The following SAMD3 variants were observed in gnomAD, a reference collection of about 807,000 sequenced individuals.
The protein encoded by SAMD3 is sterile alpha motif domain containing 3.
In SAMD3, 63 loss-of-function variants were observed where a neutral mutation model predicts 58.5. That is an observed-to-expected ratio of 1.08 (90% confidence interval 0.88 to 1.33). The LOEUF is 1.33. Ranked by LOEUF, SAMD3 falls within the 40% of genes most tolerant of loss-of-function variation. The pLI is 0.00. For missense variants in SAMD3, 604 were observed against 608.4 expected (o/e 0.99, Z 0.08); for synonymous variants, 220 against 210.3 (o/e 1.05, Z -0.40).
At chr6:130,355,307 T>A (rs1777793370) in intron 1 of SAMD3, among the ~76,000 whole-genome samples, 1 of 152,056 alleles carries the variant, frequency 6.6e-6, no homozygotes. Flanking sequence ...ACCTGTAATA[T>A]CAGCTACTCA....
intron 7 of SAMD3, among the ~76,000 whole-genome samples, chr6:130,178,721 G>C (rs1791978376): frequency 6.6e-6 from 1 of 152,236 alleles, no homozygotes; most frequent in Non-Finnish European, 1.5e-5. Context: ...GGAACAATAA[G>C]ATCTGTCCTA....
At chr6:130,208,273 A>C (rs971943971) in intron 5 of SAMD3, among the ~76,000 whole-genome samples, 2 of 152,184 alleles carry the variant, frequency 1.3e-5, no homozygotes, top group African/African-American at 4.8e-5. Flanking sequence ...CGTTTAAGGC[A>C]TTGCATTTGC....
chr6:130,290,558 AC>A (rs1269032681), intron 2 of SAMD3, among the ~76,000 whole-genome samples: 5 of 152,188 alleles, frequency 3.3e-5, no homozygotes, highest in Non-Finnish European at 5.9e-5. Context: ...CCTAGTTGAC[AC>A]GTAAAATTAA....
chr6:130,176,369 G>A (rs1791728132), intron 7 of SAMD3, among the ~76,000 whole-genome samples: 1 of 152,152 alleles, frequency 6.6e-6, no homozygotes, highest in South Asian at 2.1e-4. Flanking sequence ...CATTTTTCTA[G>A]TGGGTTCTAG....
intron 8 of SAMD3, among the ~76,000 whole-genome samples, chr6:130,165,977 A>AG (rs1305713505): frequency 6.6e-6 from 1 of 152,108 alleles, no homozygotes; most frequent in Non-Finnish European, 1.5e-5. Context: ...CCTTCATCCC[A>AG]GGGTCAGGAC....
At chr6:130,231,101 A>G (rs532446759) in intron 2 of SAMD3, among the ~76,000 whole-genome samples, 1 of 152,224 alleles carries the variant, frequency 6.6e-6, no homozygotes, top group African/African-American at 2.4e-5. Flanking sequence ...AAATAACATT[A>G]TCATGATAGA....
At chr6:130,325,769 T>C (rs769535980) in intron 1 of SAMD3, among the ~76,000 whole-genome samples, 2 of 152,210 alleles carry the variant, frequency 1.3e-5, no homozygotes, top group Non-Finnish European at 2.9e-5. Context: ...TTAAATGTCA[T>C]GGTTCGAGTG....
At chr6:130,279,987 T>G (rs1774925857) in intron 2 of SAMD3, among the ~76,000 whole-genome samples, 1 of 151,836 alleles carries the variant, frequency 6.6e-6, no homozygotes, top group African/African-American at 2.4e-5. Flanking sequence ...GACTCTTATC[T>G]TCAGTTGCAA....
At chr6:130,184,775 C>T (rs760861344) in intron 5 of SAMD3, 152 bp from the exon 6 acceptor site, 3 of 601,222 alleles carry the variant, frequency 5.0e-6, no homozygotes, top group Non-Finnish European at 8.6e-6. Context: ...ATTCATCCAT[C>T]CACAAATGTT....
At chr6:130,209,826 T>C (rs1343913392) in intron 4 of SAMD3, among the ~76,000 whole-genome samples, 3 of 152,224 alleles carry the variant, frequency 2.0e-5, no homozygotes, top group African/African-American at 7.2e-5. Context: ...CTGATGCCTG[T>C]TCATAATGCT....
chr6:130,271,016 T>TC (rs1774542419), intron 2 of SAMD3, among the ~76,000 whole-genome samples: 2 of 151,626 alleles, frequency 1.3e-5, no homozygotes, highest in South Asian at 2.1e-4. Context: ...TGTTTTTTTT[T>TC]CCTTAGGGTC....
chr6:130,346,067 T>A (rs1054185062), intron 1 of SAMD3, among the ~76,000 whole-genome samples: 1 of 152,202 alleles, frequency 6.6e-6, no homozygotes, highest in African/African-American at 2.4e-5. Flanking sequence ...AAAAACTTGA[T>A]TAAAAATTAA....
intron 5 of SAMD3, among the ~76,000 whole-genome samples, chr6:130,208,298 A>G (rs1198606957): frequency 6.6e-6 from 1 of 152,178 alleles, no homozygotes; most frequent in African/African-American, 2.4e-5. Flanking sequence ...TAGTGACTGG[A>G]GACAATATGT....
chr6:130,166,588 A>C (rs1298631524), intron 8 of SAMD3, among the ~76,000 whole-genome samples: 1 of 152,256 alleles, frequency 6.6e-6, no homozygotes, highest in African/African-American at 2.4e-5. Flanking sequence ...AGATTTAAAC[A>C]TGAAAGTTAA....
intron 7 of SAMD3, among the ~76,000 whole-genome samples, chr6:130,181,755 C>G (rs573995186): frequency 6.6e-6 from 1 of 151,768 alleles, no homozygotes; most frequent in South Asian, 2.1e-4. Context: ...GAAGCAAGGG[C>G]GGGTGGGAAA....
chr6:130,154,929 T>C lies in SAMD3; in HGVS notation c.919A>G (p.Lys307Glu), dbSNP rs777076452. ...ATTTCCAAAGTTTGGCTCATTCTCT[T>C]GTCAATTTCTCTCCAGTCCTTTTCT... ...KTEKDWREID[K>E]RMSQTLEIRR... The change falls in exon 9 of 12, where the codon AAG (lysine) becomes GAG (glutamate). Residue 307 changes from lysine to glutamate, a missense_variant. Coordinates refer to ENST00000439090, the MANE Select transcript of SAMD3 (RefSeq NM_001017373.4). 4 of 1,613,558 alleles carry C rather than the reference T, an allele frequency of 2.5e-6. No homozygotes were observed. The highest frequency in any genetic ancestry group is 3.4e-6 in the Non-Finnish European group (4 of 1,179,770).
chr6:130,196,701 T>A (rs577297320), intron 5 of SAMD3, among the ~76,000 whole-genome samples: 3 of 152,202 alleles, frequency 2.0e-5, no homozygotes, highest in African/African-American at 2.4e-5. Flanking sequence ...CCCCCTCCCT[T>A]CCCTACACAT....
chr6:130,190,012 C>A (rs1170485948), intron 5 of SAMD3, among the ~76,000 whole-genome samples: 1 of 152,064 alleles, frequency 6.6e-6, no homozygotes, highest in Non-Finnish European at 1.5e-5. Flanking sequence ...TTCGGGCAAC[C>A]CATTATGTGG....
intron 2 of SAMD3, among the ~76,000 whole-genome samples, chr6:130,239,718 TA>T (rs1381109866): frequency 6.6e-6 from 1 of 152,120 alleles, no homozygotes; most frequent in Non-Finnish European, 1.5e-5. Context: ...TATTTCTAAG[TA>T]AAAAAACACA....
Sources: gnomAD v4.1 joint callset for allele counts (sites outside exome capture counted in the v4.1 genomes callset) on GRCh38, gnomAD v4.1.1 for gene constraint, MANE v1.5 for transcripts, NCBI Gene and HGNC (gene_info 2026-07-23, HGNC 2026-07-21) for gene names.